Variants in DAB1 observed in about 807,000 individuals in gnomAD.
The protein encoded by DAB1 is DAB adaptor protein 1.
Under a neutral mutation model 64.6 loss-of-function variants are expected in DAB1, and 15 were observed. The observed-to-expected ratio is 0.23, with a 90% CI of 0.16 to 0.36. The LOEUF is 0.36. Ranked by LOEUF, DAB1 falls within the 10% of genes least tolerant of loss-of-function variation. DAB1 has a pLI of 1.00. For missense variants in DAB1, 596 were observed against 706.7 expected (o/e 0.84, Z 1.78); for synonymous variants, 235 against 251.9 (o/e 0.93, Z 0.64).
At chr1:57,422,381 CG>C (rs981073707) in intron 1 of DAB1, among the ~76,000 whole-genome samples, 1 of 152,150 alleles carries the variant, frequency 6.6e-6, no homozygotes, top group African/African-American at 2.4e-5. Flanking sequence ...CCCCCGGGCT[CG>C]CCCCCGTCCA....
At chr1:57,475,694 G>A (rs1643927007) in intron 7 of DAB1, among the ~76,000 whole-genome samples, 1 of 152,172 alleles carries the variant, frequency 6.6e-6, no homozygotes, top group South Asian at 2.1e-4. Context: ...GCCCAGGACT[G>A]ACTGGCTCCT....
chr1:57,678,032 G>T (rs1026433850), intron 6 of DAB1, among the ~76,000 whole-genome samples: 2 of 152,094 alleles, frequency 1.3e-5, no homozygotes, highest in Admixed American at 1.3e-4. Context: ...TGGTTCAATT[G>T]GTCTAGGGTA....
intron 1 of DAB1, among the ~76,000 whole-genome samples, chr1:57,417,652 C>T (rs1210613532): frequency 6.6e-6 from 1 of 152,146 alleles, no homozygotes; most frequent in African/African-American, 2.4e-5. Flanking sequence ...TCAATATCTT[C>T]CAAACATTTT....
At chr1:58,092,135 G>A (rs1309830981) in intron 5 of DAB1, among the ~76,000 whole-genome samples, 5 of 151,892 alleles carry the variant, frequency 3.3e-5, no homozygotes, top group African/African-American at 4.8e-5. Context: ...AGGAGTTCAA[G>A]ACCAGCTTGG....
At chr1:57,157,608 G>A (rs568684819) in intron 2 of DAB1, among the ~76,000 whole-genome samples, 2 of 151,802 alleles carry the variant, frequency 1.3e-5, no homozygotes, top group East Asian at 1.9e-4. Context: ...GAAAGCCCTG[G>A]CCTCCTTTCC....
At position 57,518,961 on chromosome 1, in the gene DAB1, CTT is replaced by C. The variant is rs1644494093; in HGVS notation, n.625+130629_625+130630del. Among the ~76,000 whole-genome samples, 2 of 152,142 alleles carry C rather than the reference CTT, an allele frequency of 1.3e-5. 1 individual carries two copies. Among genetic ancestry groups the C allele is most frequent in the South Asian group, 4.1e-4 (2 of 4,824 alleles). ...TCTGAAGAGTGGCTACAACATCTGA[CTT>C]ATTTAATTGTTCATTCTCTTAGTAT... On this transcript the variant is annotated intron_variant and non_coding_transcript_variant, in intron 7 of 20. Coordinates refer to the DAB1 transcript ENST00000485760.
At chr1:57,973,133 T>C (rs980717740) in intron 5 of DAB1, among the ~76,000 whole-genome samples, 16 of 152,040 alleles carry the variant, frequency 1.1e-4, no homozygotes, top group Middle Eastern at 3.2e-3. Context: ...GAGAGAGTAA[T>C]AGGGAAATTT....
At chr1:57,546,104 C>T (rs574027549) in intron 7 of DAB1, among the ~76,000 whole-genome samples, 39 of 145,196 alleles carry the variant, frequency 2.7e-4, no homozygotes, top group South Asian at 1.8e-3. Context: ...TGTGTGCGCG[C>T]ACGTGTGCAT....
At chr1:57,050,230 A>T (rs151035642) in intron 9 of DAB1, among the ~76,000 whole-genome samples, 345 of 152,198 alleles carry the variant, frequency 2.3e-3, no homozygotes, top group Non-Finnish European at 2.8e-3. Context: ...TCCTGAATGG[A>T]TACACTTAGA....
intron 4 of DAB1, among the ~76,000 whole-genome samples, chr1:58,257,581 T>C (rs1302013530): frequency 6.6e-6 from 1 of 152,238 alleles, no homozygotes; most frequent in East Asian, 1.9e-4. Flanking sequence ...TTATGATGTG[T>C]GTTGGGGATA....
chr1:58,091,782 G>T (rs1217822474), intron 5 of DAB1, among the ~76,000 whole-genome samples: 2 of 151,976 alleles, frequency 1.3e-5, no homozygotes, highest in Non-Finnish European at 2.9e-5. Context: ...TTAGTAACTA[G>T]CACAATTTTC....
chr1:57,785,089 G>T (rs1283720313), intron 6 of DAB1, among the ~76,000 whole-genome samples: 1 of 152,104 alleles, frequency 6.6e-6, no homozygotes, highest in African/African-American at 2.4e-5. Context: ...AATCTACTCT[G>T]CCTGTGCTCT....
intron 6 of DAB1, among the ~76,000 whole-genome samples, chr1:57,751,792 A>G (rs1229974648): frequency 6.6e-6 from 1 of 152,052 alleles, no homozygotes; most frequent in Non-Finnish European, 1.5e-5. Context: ...AACCACCACA[A>G]TAAAGATAAG....
In DAB1 at chr1:57,553,446, A is replaced by G. The variant is rs1292906860; in HGVS notation, n.625+96146T>C. Among the ~76,000 whole-genome samples the G allele has an allele frequency of 5.2e-4, 64 of 122,652 alleles. 1 individual carries two copies. The highest frequency in any genetic ancestry group is 1.8e-3 in the African/African-American group (58 of 32,206). The allele number at this position is 122,652 out of a possible 152,430, so 80.5% of individuals were successfully genotyped here. ...AGAAAGAAAGAAAGAAAGAAAGAGA[A>G]AGAAAGAAAGAAAGAGAAAGGGAAA... On this transcript the variant is annotated intron_variant and non_coding_transcript_variant, in intron 7 of 20. Transcript: ENST00000485760.
At chr1:57,010,615 A>C (rs1557532697) in intron 14 of DAB1, 65 bp downstream of exon 14, 3 of 861,878 alleles carry the variant, frequency 3.5e-6, no homozygotes, top group Non-Finnish European at 3.4e-6. Context: ...TTCAGAAGTG[A>C]AGAACAACCA....
intron 6 of DAB1, among the ~76,000 whole-genome samples, chr1:57,685,309 CA>C (rs1170169557): frequency 6.6e-6 from 1 of 150,998 alleles, no homozygotes; most frequent in East Asian, 1.9e-4. Flanking sequence ...CTATTAAGAA[CA>C]AAAAAATGGT....
At chr1:57,798,984 A>G (rs1651000589) in intron 6 of DAB1, among the ~76,000 whole-genome samples, 1 of 152,224 alleles carries the variant, frequency 6.6e-6, no homozygotes, top group Non-Finnish European at 1.5e-5. Context: ...AAAATATTCA[A>G]TAAGATAGTA....
At chr1:57,103,040 C>G (rs1248893100) in intron 4 of DAB1, among the ~76,000 whole-genome samples, 3 of 152,106 alleles carry the variant, frequency 2.0e-5, no homozygotes, top group Admixed American at 2.0e-4. Flanking sequence ...CACGCTCAGG[C>G]CTTTCTAGAG....
chr1:58,492,697 T>C (rs1424681268), intron 3 of DAB1, among the ~76,000 whole-genome samples: 3 of 152,088 alleles, frequency 2.0e-5, no homozygotes, highest in African/African-American at 4.8e-5. Flanking sequence ...ACACATACAG[T>C]CTCCCAAGAC....
Sources: allele counts gnomAD v4.1 joint callset (sites outside exome capture counted in the v4.1 genomes callset), GRCh38; gene constraint gnomAD v4.1.1; transcripts MANE v1.5; gene names NCBI Gene and HGNC (gene_info 2026-07-23, HGNC 2026-07-21).